Variants in SERPINB6 observed in about 807,000 individuals in gnomAD.
The protein encoded by SERPINB6 is serpin family B member 6.
In SERPINB6, 16 loss-of-function variants were observed where a neutral mutation model predicts 26.1. That is an observed-to-expected ratio of 0.61 (90% CI 0.42 to 0.93). The LOEUF (loss-of-function observed/expected upper bound fraction) is 0.93, where lower values mean the gene tolerates loss of function less well. Ranked by LOEUF, SERPINB6 falls within the 40% of genes least tolerant of loss-of-function variation. SERPINB6 has a pLI of 0.00. For missense variants in SERPINB6, 420 were observed against 478.0 expected (o/e 0.88, Z 1.13); for synonymous variants, 174 against 176.6 (o/e 0.99, Z 0.11).
upstream of SERPINB6, chr6:2,971,651 G>C (rs879541482): frequency 6.6e-6 from 1 of 152,120 alleles, no homozygotes; most frequent in African/African-American, 2.4e-5. Flanking sequence ...TCGCCCGTCC[G>C]GAGCGCGAAG....
rs1770193785 is a variant in SERPINB6 at position 2,954,497 on chromosome 6, A to T, written c.430+95T>A. On this transcript the variant is annotated intron_variant, in intron 4 of 6. Transcript: ENST00000380539. The stretch of plus-strand genomic sequence containing the variant: ...TTTGCAGTTATTCAGAGAAAAAAAA[A>T]TCATTCCTGTTTACAATTGACAGTC... 3 of 1,029,734 alleles carry T rather than the reference A, an allele frequency of 2.9e-6. No homozygotes were observed. The Admixed American group carries it at 5.3e-5, about 18-fold the overall frequency. 63.8% of individuals were successfully genotyped at this position (1,029,734 alleles called of 1,614,324 possible).
chr6:2,971,101 G>A, intron 1 of SERPINB6: 2 of 1,087,716 alleles, frequency 1.8e-6, no homozygotes, highest in Non-Finnish European at 1.1e-6. Context: ...GAGGCCGCGG[G>A]GCCGACCGGG....
Position 2,965,047 on chromosome 6 carries a change from TC to T in SERPINB6, c.-10-5706del, listed in dbSNP as rs200508402. 7.9e-5 allele frequency among the ~76,000 whole-genome samples: 12 copies of T among 152,340 alleles called. No individual in the cohort carries two copies. In the East Asian group the frequency reaches 2.3e-3, roughly 29 times the overall value. On this transcript the variant is annotated intron_variant, in intron 1 of 6. Transcript: ENST00000380539. Reference sequence around the variant, plus strand: ...CTAGAGGCCGAGGGCCCGGTCCCGATCCACAGGTTTGCTTTATTATCACTAA... The same window carrying T: ...CTAGAGGCCGAGGGCCCGGTCCCGATCACAGGTTTGCTTTATTATCACTAA...
chr6:2,962,683 A>T (rs1324073407), intron 1 of SERPINB6, among the ~76,000 whole-genome samples: 1 of 152,264 alleles, frequency 6.6e-6, no homozygotes, highest in African/African-American at 2.4e-5. Flanking sequence ...GTAAAATTCT[A>T]TCTATGCCTT....
chr6:2,962,007 T>C, intron 1 of SERPINB6: 4 of 985,220 alleles, frequency 4.1e-6, no homozygotes, highest in Non-Finnish European at 4.8e-6. Flanking sequence ...ATTACAGCCA[T>C]GCACCACGCC....
At chr6:2,957,470 C>T (rs1770627702) in intron 2 of SERPINB6, 1 of 152,214 alleles carries the variant, frequency 6.6e-6, no homozygotes, top group East Asian at 1.9e-4. Flanking sequence ...GATCAAATCC[C>T]AGACACTGGC....
At chr6:2,970,657 C>T in intron 1 of SERPINB6, 1 of 1,222,524 alleles carries the variant, frequency 8.2e-7, no homozygotes, top group Non-Finnish European at 1.0e-6. Context: ...TCTGAGTATT[C>T]CTGACAGCAT....
chr6:2,952,967 C>T, intron 5 of SERPINB6, 77 bp downstream of exon 5: 5 of 1,601,032 alleles, frequency 3.1e-6, no homozygotes, highest in Non-Finnish European at 8.5e-7. Flanking sequence ...GGCCCCACGG[C>T]TGCAGACGCG....
chr6:2,964,315 T>C (rs1317664940), intron 1 of SERPINB6, among the ~76,000 whole-genome samples: 1 of 152,226 alleles, frequency 6.6e-6, no homozygotes, highest in Non-Finnish European at 1.5e-5. Flanking sequence ...ACAGGTTTTG[T>C]ACATAATAAA....
At chr6:2,962,311 C>G in intron 1 of SERPINB6, 1 of 737,960 alleles carries the variant, frequency 1.4e-6, no homozygotes, top group Non-Finnish European at 1.7e-6. Context: ...GCAGGATATT[C>G]GGAGGAGAAG....
intron 1 of SERPINB6, chr6:2,966,903 C>T (rs573936313): frequency 3.1e-6 from 3 of 977,520 alleles, no homozygotes; most frequent in South Asian, 4.7e-5. Context: ...TATCTTTCCA[C>T]GTTGGCTTCC....
Position 2,961,935 on chromosome 6 carries a change from A to C in SERPINB6, c.-10-2593T>G, listed in dbSNP as rs1771160202. 11 of 984,364 alleles carry C rather than the reference A, an allele frequency of 1.1e-5. 1 individual carries two copies. The South Asian group carries it at 3.3e-4, about 29-fold the overall frequency. 61.0% of individuals were successfully genotyped at this position (984,364 alleles called of 1,614,324 possible). Reference sequence around the variant, plus strand: ...AGACAAGGTTCTTGCCACCTTGCCCAGGCTGCTCTCCAACGCCTGGCCTCA... The same window carrying C: ...AGACAAGGTTCTTGCCACCTTGCCCCGGCTGCTCTCCAACGCCTGGCCTCA... On this transcript the variant is annotated intron_variant, in intron 1 of 6. Coordinates refer to ENST00000380539, the MANE Select transcript of SERPINB6 (RefSeq NM_004568.6).
intron 1 of SERPINB6, chr6:2,970,013 G>A (rs1231606371): frequency 1.8e-5 from 17 of 921,998 alleles, no homozygotes; most frequent in Non-Finnish European, 2.2e-5. Flanking sequence ...CCGGGAGGTG[G>A]AGGTTGCAGT....
At chr6:2,951,565 T>G (rs958057589) in intron 5 of SERPINB6, among the ~76,000 whole-genome samples, 1 of 152,106 alleles carries the variant, frequency 6.6e-6, no homozygotes, top group Non-Finnish European at 1.5e-5. Context: ...TATAAAAAGA[T>G]CTAACCTTAG....
chr6:2,968,629 C>T, intron 1 of SERPINB6: 1 of 1,222,304 alleles, frequency 8.2e-7, no homozygotes, highest in Non-Finnish European at 1.0e-6. Flanking sequence ...CTGCCTATCT[C>T]TGGGGTCCTT....
intron 1 of SERPINB6, chr6:2,962,171 A>T: frequency 1.0e-6 from 1 of 985,508 alleles, no homozygotes; most frequent in Non-Finnish European, 1.2e-6. Context: ...TTGTCTGAAG[A>T]CACGCCCACT....
intron 1 of SERPINB6, chr6:2,968,846 G>T (rs1481780801): frequency 1.1e-5 from 13 of 1,231,358 alleles, no homozygotes; most frequent in South Asian, 8.2e-5. Context: ...GTGCTCAAGG[G>T]ATCAGCAGCT....
chr6:2,957,645 T>A (rs1269258340), intron 2 of SERPINB6: 1 of 152,216 alleles, frequency 6.6e-6, no homozygotes, highest in Non-Finnish European at 1.5e-5. Flanking sequence ...GAATTTTAAG[T>A]TGATAGAAAT....
chr6:2,961,456 CG>C (rs1771096085), intron 1 of SERPINB6: 1 of 152,136 alleles, frequency 6.6e-6, no homozygotes, highest in African/African-American at 2.4e-5. Context: ...AGCCATTACA[CG>C]GAACTGAAGC....
Sources: allele counts gnomAD v4.1 joint callset (sites outside exome capture counted in the v4.1 genomes callset), GRCh38; gene constraint gnomAD v4.1.1; transcripts MANE v1.5; gene names NCBI Gene and HGNC (gene_info 2026-07-23, HGNC 2026-07-21).